The following ARHGEF33 variants were observed in gnomAD, a reference collection of about 807,000 sequenced individuals.
ARHGEF33 encodes DH and coiled-coil domain-containing protein ENSP00000381780.
ARHGEF33 carries 72 observed loss-of-function variants against 101.9 expected under a neutral mutation model. The observed-to-expected ratio is 0.71, with a 90% CI of 0.58 to 0.86. The LOEUF is 0.86. Ranked by LOEUF, ARHGEF33 falls within the 40% of genes least tolerant of loss-of-function variation. ARHGEF33 has a pLI of 0.00. For synonymous variants in ARHGEF33, 499 were observed against 442.5 expected (o/e 1.13, Z -1.60); for missense variants, 1,169 against 1,111.3 (o/e 1.05, Z -0.74).
Position 38,960,431 on chromosome 2 carries a change from TCAAAGAG to T in ARHGEF33, c.2127_2133del (p.Lys710SerfsTer68). 2 of 1,508,262 alleles carry T rather than the reference TCAAAGAG, an allele frequency of 1.3e-6. No individual in the cohort carries two copies. Among genetic ancestry groups the T allele is most frequent in the Non-Finnish European group, 1.8e-6 (2 of 1,135,294 alleles). 93.4% of individuals were successfully genotyped at this position (1,508,262 alleles called of 1,614,324 possible). ...AAGGCCAAGCCGCTGAGCCGCTCTC[TCAAAGAG>T]TTCCCGCGTGCGCCGCCAGCCGACG... On this transcript the variant is annotated frameshift_variant, in exon 16 of 18. Transcript: ENST00000409978. LOFTEE classifies it high-confidence loss of function.
In ARHGEF33 at chr2:38,937,369, C is replaced by T; in HGVS notation, c.600C>T (p.Asn200=). 3 of 1,343,562 alleles carry T rather than the reference C, an allele frequency of 2.2e-6. No homozygotes were observed. The highest frequency in any genetic ancestry group is 2.3e-4 in the Middle Eastern group (1 of 4,430). 83.2% of individuals were successfully genotyped at this position (1,343,562 alleles called of 1,614,324 possible). ...CAACAACTCCAGAAGCAGAAGAAAA[C>T]CTCAAGTCTTGCCTCTCGGCTGATA... ...VNPTTPEAEE[N]LKSCLSADIQ... is the part of the protein sequence containing the mutation. The change falls in exon 9 of 18, where the codon AAC becomes AAT. Residue 200 remains asparagine (N), a synonymous_variant. Transcript: ENST00000409978.
At chr2:38,915,320 G>A (rs1042502679) in intron 2 of ARHGEF33, among the ~76,000 whole-genome samples, 1 of 150,696 alleles carries the variant, frequency 6.6e-6, no homozygotes, top group African/African-American at 2.4e-5. Context: ...AAGTAGAGGC[G>A]TTATAGTTGC....
intron 2 of ARHGEF33, among the ~76,000 whole-genome samples, chr2:38,918,628 G>A (rs184421178): frequency 6.6e-6 from 1 of 152,288 alleles, no homozygotes; most frequent in East Asian, 1.9e-4. Flanking sequence ...CATTTCCTGG[G>A]TGCAAAGGAG....
chr2:38,898,004 C>G (rs560941873), intron 2 of ARHGEF33, among the ~76,000 whole-genome samples: 1 of 152,084 alleles, frequency 6.6e-6, no homozygotes, highest in African/African-American at 2.4e-5. Context: ...GGGGTTGGTC[C>G]GTTGGGTTAG....
rs139196444 is a variant in ARHGEF33 at position 38,953,177 on chromosome 2, T to C, written c.1069T>C (p.Tyr357His). The C allele has an allele frequency of 2.0e-6, 3 of 1,518,174 alleles. No homozygotes were observed. In the East Asian group the frequency reaches 7.4e-5, roughly 37 times the overall value. The allele number at this position is 1,518,174 out of a possible 1,614,324, so 94.0% of individuals were successfully genotyped here. The change falls in exon 12 of 18, where the codon TAT becomes CAT. Residue 357 changes from tyrosine to histidine, a missense_variant. Tyr to His is a moderately conservative substitution (Grantham distance 83). Transcript: ENST00000409978. ...TGTTTTAAAGAATAATTTCTTGGATTATTATGTTGCCTACCTAAGGGACCT... is the reference window on the plus strand; with the variant it reads ...TGTTTTAAAGAATAATTTCTTGGATCATTATGTTGCCTACCTAAGGGACCT... ...LTNDENNFLD[Y>H]YVAYLRDLPE...
intron 10 of ARHGEF33, among the ~76,000 whole-genome samples, chr2:38,948,185 A>G (rs975775775): frequency 1.3e-5 from 2 of 152,006 alleles, no homozygotes; most frequent in Non-Finnish European, 2.9e-5. Context: ...AGAGTGAAAC[A>G]GGTTAAGTGT....
intron 1 of ARHGEF33, among the ~76,000 whole-genome samples, chr2:38,891,735 CA>C (rs1666010504): frequency 6.6e-6 from 1 of 152,042 alleles, no homozygotes; most frequent in South Asian, 2.1e-4. Flanking sequence ...ACCCGCCCCC[CA>C]CACAATTTAC....
intron 2 of ARHGEF33, among the ~76,000 whole-genome samples, chr2:38,898,987 G>C (rs1346759778): frequency 6.6e-6 from 1 of 152,166 alleles, no homozygotes. Flanking sequence ...TTTGGGTGAA[G>C]TAGCATTGAT....
intron 17 of ARHGEF33, among the ~76,000 whole-genome samples, chr2:38,973,503 TC>T (rs1450893059): frequency 6.6e-6 from 1 of 152,084 alleles, no homozygotes; most frequent in Non-Finnish European, 1.5e-5. Context: ...GTCACAATTG[TC>T]CCCATAAAGC....
intron 13 of ARHGEF33, among the ~76,000 whole-genome samples, chr2:38,955,040 C>G (rs142346239): frequency 1.3e-5 from 2 of 152,310 alleles, no homozygotes; most frequent in African/African-American, 4.8e-5. Context: ...CTTTCTAGAA[C>G]CACTCCTGCT....
intron 15 of ARHGEF33, 43 bp downstream of exon 15, chr2:38,958,241 G>A: frequency 6.5e-7 from 1 of 1,548,380 alleles, no homozygotes; most frequent in Non-Finnish European, 8.7e-7. Context: ...CAATGCCTTT[G>A]GGACCCAGCC....
chr2:38,932,248 C>T (rs1667023911), intron 7 of ARHGEF33, among the ~76,000 whole-genome samples: 1 of 152,062 alleles, frequency 6.6e-6, no homozygotes, highest in Non-Finnish European at 1.5e-5. Context: ...TTTGCCTCTG[C>T]CTCCCAAGCA....
At chr2:38,947,454 G>A (rs1488645878) in intron 10 of ARHGEF33, among the ~76,000 whole-genome samples, 2 of 152,224 alleles carry the variant, frequency 1.3e-5, no homozygotes, top group Admixed American at 1.3e-4. Context: ...CAGCGGCCCA[G>A]TCACAGCTCA....
chr2:38,904,350 G>T (rs1666338894), intron 2 of ARHGEF33, among the ~76,000 whole-genome samples: 1 of 152,162 alleles, frequency 6.6e-6, no homozygotes, highest in African/African-American at 2.4e-5. Flanking sequence ...TCAGAAATGA[G>T]GCTGGAGGGG....
At chr2:38,968,536 A>G (rs1668099591) in intron 17 of ARHGEF33, among the ~76,000 whole-genome samples, 1 of 152,120 alleles carries the variant, frequency 6.6e-6, no homozygotes, top group Non-Finnish European at 1.5e-5. Flanking sequence ...AGGACTTGCT[A>G]TGGGCTCTCC....
chr2:38,922,732 A>G (rs984718033), intron 4 of ARHGEF33, among the ~76,000 whole-genome samples: 1 of 152,206 alleles, frequency 6.6e-6, no homozygotes, highest in Non-Finnish European at 1.5e-5. Context: ...AGCTCTTACA[A>G]GGTAGGCTGT....
At chr2:38,901,087 C>T (rs551477907) in intron 2 of ARHGEF33, among the ~76,000 whole-genome samples, 1 of 152,154 alleles carries the variant, frequency 6.6e-6, no homozygotes, top group Admixed American at 6.5e-5. Flanking sequence ...CCCACTCTCA[C>T]CCCAAACACA....
At chr2:38,969,857 A>G (rs981572856) in intron 17 of ARHGEF33, among the ~76,000 whole-genome samples, 5 of 152,220 alleles carry the variant, frequency 3.3e-5, no homozygotes, top group African/African-American at 1.2e-4. Context: ...ATGGAAGGCA[A>G]ACTGTCCCAT....
intron 14 of ARHGEF33, 107 bp from the exon 15 acceptor site, chr2:38,957,927 C>A: frequency 7.3e-7 from 1 of 1,365,866 alleles, no homozygotes; most frequent in South Asian, 1.4e-5. Flanking sequence ...GAGACCTTCA[C>A]AGCAAACTTT....
Sources: gnomAD v4.1 joint callset for allele counts (sites outside exome capture counted in the v4.1 genomes callset) on GRCh38, gnomAD v4.1.1 for gene constraint, MANE v1.5 for transcripts, NCBI Gene and HGNC (gene_info 2026-07-23, HGNC 2026-07-21) for gene names.